The following WNK4 variants were observed in gnomAD, a reference collection of about 807,000 sequenced individuals.
WNK4 encodes serine/threonine-protein kinase WNK4.
WNK4 carries 94 observed loss-of-function variants against 116.2 expected under a neutral mutation model. The ratio of observed to expected loss-of-function variants is 0.81; its 90% CI spans 0.68 to 0.96. WNK4 has a LOEUF of 0.96. Among genes scored for constraint, WNK4 ranks in the 40% least tolerant of loss-of-function variants. The pLI is 0.00. For missense variants in WNK4, 1,542 were observed against 1,650.6 expected, an observed-to-expected ratio of 0.93 and a Z score of 1.14; for synonymous variants, 655 against 672.7, an observed-to-expected ratio of 0.97 and a Z score of 0.41.
In WNK4 at chr17:42,795,244, G is replaced by A. The variant is rs371107660; in HGVS notation, c.2823G>A (p.Leu941=). ...CTGTGATGACTGTGGCCCAGTCCCT[G>A]CTGTCCCCCTCACCTGGGCTCCTTT... ...SLAVMTVAQS[L]LSPSPGLLSQ... is the part of the protein sequence containing the mutation. The change falls in exon 14 of 19, where the codon CTG becomes CTA. Residue 941 remains leucine, a synonymous_variant. Transcript: ENST00000246914. 2.5e-6 allele frequency: 4 copies of A among 1,613,612 alleles called. No individual in the cohort carries two copies.
chr17:42,792,078 T>G (rs192189617), intron 11 of WNK4, among the ~76,000 whole-genome samples: 12 of 152,372 alleles, frequency 7.9e-5, no homozygotes, highest in Admixed American at 4.6e-4. Flanking sequence ...CGCTTTCATG[T>G]AATACCTAAG....
chr17:42,789,239 A>G (rs1321221241), intron 11 of WNK4, among the ~76,000 whole-genome samples: 3 of 152,196 alleles, frequency 2.0e-5, no homozygotes, highest in Non-Finnish European at 4.4e-5. Flanking sequence ...GTCTTGGAAT[A>G]TGGGGCTGGG....
chr17:42,793,734 G>A lies in WNK4; in HGVS notation c.2295+5G>A, dbSNP rs775623231. On this transcript the variant is annotated splice_donor_5th_base_variant and intron_variant, in intron 12 of 18. Transcript: ENST00000246914. ...GAAGACACCCTAAGCCCCCAGGTCA[G>A]ACCCCTTGGTGGACACTTCCAGGGG... 2 of 1,614,000 alleles carry A rather than the reference G, an allele frequency of 1.2e-6. No individual in the cohort carries two copies. Among genetic ancestry groups the A allele is most frequent in the Non-Finnish European group, 1.7e-6 (2 of 1,179,892 alleles).
rs755199788 is a variant in WNK4, at chr17:42,784,060, C to T, written c.915C>T (p.Cys305=). ...CCATCCTGCACCGGGATCTCAAGTG[C>T]GACAATGTCTTTATCACGGGACCTA... ...VPPILHRDLK[C]DNVFITGPTG... The change falls in exon 3 of 19, where the codon TGC becomes TGT. Residue 305 remains cysteine, a synonymous_variant. Coordinates refer to ENST00000246914, the MANE Select transcript of WNK4 (RefSeq NM_032387.5). This position sits in a 1 kb window ranked among gnomAD's most constrained non-coding sequence, Gnocchi z 4.4. 6.2e-7 allele frequency: 1 copy of T among 1,613,730 alleles called. No homozygotes were observed.
At position 42,780,690 on chromosome 17, in the gene WNK4, C is replaced by T. The variant is rs777488350; in HGVS notation, c.-9C>T. The T allele has an allele frequency of 1.2e-6, 2 of 1,606,514 alleles. No individual in the cohort carries two copies. The highest frequency in any genetic ancestry group is 1.3e-5 in the African/African-American group (1 of 74,812). On this transcript the variant is annotated 5_prime_UTR_variant, in exon 1 of 19. Transcript: ENST00000246914. ...TGATTTTCTACCCTTCGGCGCCCTGCTCTTCCTCATGTTGGCATCCCCGGC... is the reference window on the plus strand; with the variant it reads ...TGATTTTCTACCCTTCGGCGCCCTGTTCTTCCTCATGTTGGCATCCCCGGC...
At position 42,787,493 on chromosome 17, in the gene WNK4, C is replaced by T; in HGVS notation, c.1692C>T (p.Asp564=). 1.3e-6 allele frequency: 2 copies of T among 1,530,030 alleles called. No individual in the cohort carries two copies. Among genetic ancestry groups the T allele is most frequent in the Non-Finnish European group, 1.8e-6 (2 of 1,128,104 alleles). The allele number at this position is 1,530,030 out of a possible 1,614,324, so 94.8% of individuals were successfully genotyped here. Residue 564 remains aspartate (D), a synonymous_variant, in exon 7 of 19, where the codon GAC becomes GAT. Coordinates refer to ENST00000246914, the MANE Select transcript of WNK4 (RefSeq NM_032387.5). ...FPPEPEEPEA[D]QHQPFLFRHA... is the part of the protein sequence containing the mutation. Reference sequence around the variant, plus strand: ...CTGAGCCTGAGGAGCCAGAGGCAGACCAGCACCAGCCCTTCCTTTTCCGCC... The same window carrying T: ...CTGAGCCTGAGGAGCCAGAGGCAGATCAGCACCAGCCCTTCCTTTTCCGCC...
Position 42,788,183 on chromosome 17 carries a change from G to C in WNK4, c.1917G>C (p.Gly639=). ...RSGPGSDFSP[G]DSYASDAASG... ...GCCCTGGAAGTGACTTTTCCCCCGGGGACAGGTATGTTCTGGTACAAGTTG... is the reference window on the plus strand; with the variant it reads ...GCCCTGGAAGTGACTTTTCCCCCGGCGACAGGTATGTTCTGGTACAAGTTG... The change falls in exon 9 of 19, where the codon GGG becomes GGC. Residue 639 remains glycine (G), a synonymous_variant. Coordinates refer to ENST00000246914, the MANE Select transcript of WNK4 (RefSeq NM_032387.5). 6.2e-7 allele frequency: 1 copy of C among 1,614,178 alleles called. No homozygotes were observed. The highest frequency in any genetic ancestry group is 8.5e-7 in the Non-Finnish European group (1 of 1,180,030).
At chr17:42,785,219 G>C in intron 5 of WNK4, 34 bp downstream of exon 5, 1 of 1,608,492 alleles carries the variant, frequency 6.2e-7, no homozygotes, top group Non-Finnish European at 8.5e-7. Flanking sequence ...GGGTAGAATA[G>C]GGCCGCGGGC....
At position 42,781,120 on chromosome 17, in the gene WNK4, G is replaced by C. The variant is rs2054478470; in HGVS notation, c.422G>C (p.Arg141Thr). The change falls in exon 1 of 19, where the codon AGG becomes ACG. Residue 141 changes from arginine to threonine, a missense_variant. This residue lies in a region of WNK4 where 243 missense variants were observed against 217.8 expected (regional missense o/e 1.12). Transcript: ENST00000246914. ...AVGPGSREPL[R>T]VPEAVALERR... is the part of the protein sequence containing the mutation. Reference sequence around the variant, plus strand: ...GGCCCGGGGTCCAGGGAGCCGCTAAGGGTCCCTGAAGCTGTGGCCCTAGAG... The same window carrying C: ...GGCCCGGGGTCCAGGGAGCCGCTAACGGTCCCTGAAGCTGTGGCCCTAGAG... The C allele has an allele frequency of 6.2e-7, 1 of 1,613,870 alleles. No individual in the cohort carries two copies. Among genetic ancestry groups the C allele is most frequent in the South Asian group, 1.1e-5 (1 of 91,084 alleles).
intron 11 of WNK4, among the ~76,000 whole-genome samples, chr17:42,789,850 T>C (rs536092502): frequency 1.3e-5 from 2 of 149,772 alleles, no homozygotes; most frequent in Non-Finnish European, 3.0e-5. Flanking sequence ...ACAAAAAATT[T>C]AAAAAATTAG....
chr17:42,793,449 A>C, intron 11 of WNK4, 143 bp from the exon 12 acceptor site: 1 of 1,053,020 alleles, frequency 9.5e-7, no homozygotes, highest in Non-Finnish European at 1.4e-6. Flanking sequence ...ACTTCAGGTG[A>C]TCCGCCCGCC....
In WNK4 at chr17:42,785,348, G is replaced by T. The variant is rs763446727; in HGVS notation, c.1342G>T (p.Gly448Cys). ...CGTGGAACTAGCGGAGGAGGACGAC[G>T]GCGAGAAGCCGGGCCTCAAGCTCTG... ...VHVELAEEDD[G>C]EKPGLKLWLR... The change falls in exon 6 of 19, where the codon GGC becomes TGC. Residue 448 changes from glycine (G) to cysteine (C), a missense_variant. Transcript: ENST00000246914. The T allele has an allele frequency of 5.6e-6, 9 of 1,610,654 alleles. No individual in the cohort carries two copies. In the Admixed American group the frequency reaches 6.7e-5, roughly 12 times the overall value.
chr17:42,787,520 C>T lies in WNK4; in HGVS notation c.1719C>T (p.His573=), dbSNP rs56243382. 2.2e-3 allele frequency: 3,468 copies of T among 1,612,948 alleles called. 52 individuals carry two copies. In the African/African-American group the frequency reaches 0.038, roughly 18 times the overall value. ...AGCACCAGCCCTTCCTTTTCCGCCA[C>T]GCCAGCTACTCATCTACCACTTGTA... is the stretch of plus-strand genomic sequence containing the variant. The part of the protein sequence containing the change: ...ADQHQPFLFR[H]ASYSSTTSDC... The change falls in exon 7 of 19, where the codon CAC becomes CAT. Residue 573 remains histidine (H), a synonymous_variant. Transcript: ENST00000246914.
Position 42,793,268 on chromosome 17 carries a change from G to C in WNK4, c.2158-324G>C, listed in dbSNP as rs61755614. 4.1e-3 allele frequency among the ~76,000 whole-genome samples: 629 copies of C among 152,244 alleles called. 3 individuals carry two copies. Among genetic ancestry groups the C allele is most frequent in the African/African-American group, 0.015 (606 of 41,536 alleles). On this transcript the variant is annotated intron_variant, in intron 11 of 18. Transcript: ENST00000246914. ...GAGTCTCGCTCAGTCGTCCAGGCTG[G>C]AGTGCGGTGGTGTGATCTTGGCTCC...
In WNK4 at chr17:42,781,042, C is replaced by CT; in HGVS notation, c.345dup (p.Val116CysfsTer29). 2.5e-6 allele frequency: 4 copies of CT among 1,611,222 alleles called. No individual in the cohort carries two copies. Among genetic ancestry groups the CT allele is most frequent in the Non-Finnish European group, 3.4e-6 (4 of 1,179,502 alleles). Reference sequence around the variant, plus strand: ...GAGGGCACGTGGACCGAGGGAGCCCCTGTGAAGGCTGCGGAAGACTCCGCG... The same window carrying CT: ...GAGGGCACGTGGACCGAGGGAGCCCCTTGTGAAGGCTGCGGAAGACTCCGCG... On this transcript the variant is annotated frameshift_variant, in exon 1 of 19. Transcript: ENST00000246914. LOFTEE classifies it high-confidence loss of function.
intron 12 of WNK4, chr17:42,794,280 GAAGTT>G (rs2144076470): frequency 2.5e-6 from 1 of 403,588 alleles, no homozygotes; most frequent in East Asian, 4.9e-5. Context: ...CTTGTGGAGA[GAAGTT>G]GCAAGAATTA....
At chr17:42,789,643 G>C (rs1206325087) in intron 11 of WNK4, among the ~76,000 whole-genome samples, 2 of 151,002 alleles carry the variant, frequency 1.3e-5, no homozygotes, top group Non-Finnish European at 2.9e-5. Flanking sequence ...CAGCCTGGGC[G>C]ACAAGAGTGA....
intron 6 of WNK4, among the ~76,000 whole-genome samples, chr17:42,787,019 G>T (rs1056356726): frequency 1.3e-5 from 2 of 152,144 alleles, no homozygotes; most frequent in Admixed American, 1.3e-4. Context: ...CTTCCCATTG[G>T]AAACCACTGA....
intron 12 of WNK4, chr17:42,794,317 C>A (rs2054637994): frequency 4.0e-6 from 2 of 496,038 alleles, no homozygotes; most frequent in Admixed American, 3.3e-5. Context: ...ACTGGATACC[C>A]TTTGCCCAGA....
Sources: gnomAD v4.1 joint callset for allele counts (sites outside exome capture counted in the v4.1 genomes callset) on GRCh38, gnomAD v4.1.1 for gene constraint, gnomAD v4.1.1 regional missense constraint, Gnocchi (gnomAD v3.1) non-coding constraint, MANE v1.5 for transcripts, NCBI Gene and HGNC (gene_info 2026-07-23, HGNC 2026-07-21) for gene names.